Variants in HOMER2 observed in about 807,000 individuals in gnomAD.
HOMER2 encodes the protein homer scaffold protein 2, also known as homer protein homolog 2.
In HOMER2, 27 loss-of-function variants were observed where a neutral mutation model predicts 47.0. The ratio of observed to expected loss-of-function variants is 0.57; its 90% CI spans 0.42 to 0.79. HOMER2 has a LOEUF of 0.79. Ranked by LOEUF, HOMER2 falls within the 30% of genes least tolerant of loss-of-function variation. The pLI is 0.00. For missense variants in HOMER2, 443 were observed against 435.0 expected, an observed-to-expected ratio of 1.02 and a Z score of -0.16; for synonymous variants, 161 against 163.8, an observed-to-expected ratio of 0.98 and a Z score of 0.13.
At chr15:82,909,627 G>A (rs2053397068) in intron 1 of HOMER2, among the ~76,000 whole-genome samples, 1 of 152,082 alleles carries the variant, frequency 6.6e-6, no homozygotes, top group Non-Finnish European at 1.5e-5. Flanking sequence ...GAAGCTAGGG[G>A]CAAGGAGGTG....
exon 2 of HOMER2, chr15:82,842,302 GTTTT>G (rs372571059): frequency 1.4e-5 from 2 of 145,864 alleles, no homozygotes; most frequent in Non-Finnish European, 3.0e-5. Flanking sequence ...CTTTTGGAAG[GTTTT>G]TTTTTTGTTT....
At chr15:82,956,239 C>CAAAAAA (rs34193575), upstream of HOMER2, among the ~76,000 whole-genome samples, 1 of 92,028 alleles carries the variant, frequency 1.1e-5, no homozygotes, top group African/African-American at 4.5e-5. Flanking sequence ...GACTCCATCT[C>CAAAAAA]AAAAAAAAAA....
At chr15:82,878,221 C>T (rs2052410251) in intron 2 of HOMER2, among the ~76,000 whole-genome samples, 1 of 152,182 alleles carries the variant, frequency 6.6e-6, no homozygotes, top group Non-Finnish European at 1.5e-5. Context: ...GGATATGGCT[C>T]TTAAGCTCAC....
At chr15:82,959,474 GAGA>G (rs980955776) in intron 1 of HOMER2, among the ~76,000 whole-genome samples, 16 of 152,338 alleles carry the variant, frequency 1.1e-4, no homozygotes, top group Admixed American at 3.3e-4. Context: ...GCAATTCCTG[GAGA>G]AGAACTTGAA....
intron 1 of HOMER2, among the ~76,000 whole-genome samples, chr15:82,903,898 A>G (rs1352833324): frequency 6.6e-6 from 1 of 152,336 alleles, no homozygotes; most frequent in East Asian, 1.9e-4. Context: ...ACACTTTGGG[A>G]GGCCAAGGCG....
At chr15:82,900,824 TAA>T (rs2053090236) in intron 1 of HOMER2, among the ~76,000 whole-genome samples, 1 of 152,158 alleles carries the variant, frequency 6.6e-6, no homozygotes, top group Non-Finnish European at 1.5e-5. Context: ...CCCATTCTAT[TAA>T]AGTTATTTTC....
At chr15:82,852,096 G>A in intron 7 of HOMER2, 46 bp downstream of exon 7, 1 of 1,402,814 alleles carries the variant, frequency 7.1e-7, no homozygotes. Flanking sequence ...CACCCCGCAA[G>A]GCCAAGAGGA....
chr15:82,878,516 AAT>A (rs2052423341), intron 2 of HOMER2, among the ~76,000 whole-genome samples: 1 of 152,212 alleles, frequency 6.6e-6, no homozygotes, highest in African/African-American at 2.4e-5. Context: ...CAGCTTCTTA[AAT>A]CTGTAGACTC....
intron 1 of HOMER2, among the ~76,000 whole-genome samples, chr15:82,931,051 C>G (rs1435135030): frequency 6.7e-6 from 1 of 150,172 alleles, no homozygotes; most frequent in East Asian, 2.0e-4. Flanking sequence ...CATACAGAGC[C>G]AAGATCTAGC....
intron 1 of HOMER2, among the ~76,000 whole-genome samples, chr15:82,917,533 G>A (rs1463905643): frequency 6.6e-6 from 1 of 152,250 alleles, no homozygotes; most frequent in South Asian, 2.1e-4. Context: ...ACACATGCAG[G>A]AAGGTGCAAG....
intron 1 of HOMER2, among the ~76,000 whole-genome samples, chr15:82,935,315 C>T (rs2054118168): frequency 6.6e-6 from 1 of 152,140 alleles, no homozygotes; most frequent in Non-Finnish European, 1.5e-5. Context: ...CCCAAACTCT[C>T]CTGCTTAGGA....
intron 1 of HOMER2, among the ~76,000 whole-genome samples, chr15:82,976,695 T>TG (rs2030216296): frequency 6.6e-6 from 1 of 151,104 alleles, no homozygotes; most frequent in Admixed American, 6.6e-5. Flanking sequence ...TTTTTTTTTT[T>TG]TGAGACAGAG....
chr15:82,951,598 A>T (rs952506465), intron 1 of HOMER2, among the ~76,000 whole-genome samples: 2 of 152,254 alleles, frequency 1.3e-5, no homozygotes, highest in African/African-American at 4.8e-5. Context: ...TGCTGGGTTC[A>T]GCAGCAGGGA....
intron 1 of HOMER2, chr15:82,898,363 G>A (rs1206556499): frequency 6.6e-6 from 1 of 151,908 alleles, no homozygotes; most frequent in African/African-American, 2.4e-5. Context: ...AAAAGCTGAA[G>A]AGAGTGTATC....
intron 1 of HOMER2, among the ~76,000 whole-genome samples, chr15:82,914,078 C>T (rs1203191172): frequency 2.0e-5 from 3 of 151,994 alleles, no homozygotes; most frequent in Non-Finnish European, 2.9e-5. Context: ...TGGCTTATGC[C>T]TGTAATCCCA....
chr15:82,863,205 C>T (rs529855366), intron 4 of HOMER2, among the ~76,000 whole-genome samples: 2 of 152,210 alleles, frequency 1.3e-5, no homozygotes, highest in South Asian at 4.1e-4. Flanking sequence ...CCCCGGGCTT[C>T]CCTGGCCCAG....
At chr15:82,896,997 C>T (rs1021774755) in intron 1 of HOMER2, among the ~76,000 whole-genome samples, 3 of 151,210 alleles carry the variant, frequency 2.0e-5, no homozygotes, top group African/African-American at 7.3e-5. Flanking sequence ...GAAACAGGAA[C>T]TCAGAGAGGC....
intron 2 of HOMER2, among the ~76,000 whole-genome samples, chr15:82,892,190 A>G (rs1377842107): frequency 2.0e-5 from 3 of 152,202 alleles, no homozygotes; most frequent in Non-Finnish European, 4.4e-5. Context: ...CAATGCTGGC[A>G]AGGGTGCAAC....
At chr15:82,851,005 C>A (rs1013059100) in intron 8 of HOMER2, 146 bp downstream of exon 8, 5 of 647,714 alleles carry the variant, frequency 7.7e-6, no homozygotes, top group East Asian at 2.7e-5. Flanking sequence ...TGCCATCTGG[C>A]GTGCAGTCAC....
Sources: allele counts gnomAD v4.1 joint callset (sites outside exome capture counted in the v4.1 genomes callset), GRCh38; gene constraint gnomAD v4.1.1; transcripts MANE v1.5; gene names NCBI Gene and HGNC (gene_info 2026-07-23, HGNC 2026-07-21).